Variants in REPS2 observed in about 807,000 individuals in gnomAD.
REPS2 encodes RALBP1 associated Eps domain containing 2, also known as ralBP1-associated Eps domain-containing protein 2.
A neutral mutation model predicts 53.6 loss-of-function variants in REPS2; 23 were observed. The ratio of observed to expected loss-of-function variants is 0.43; its 90% confidence interval spans 0.31 to 0.61. REPS2 has a LOEUF of 0.61. Ranked by LOEUF, REPS2 falls within the 20% of genes least tolerant of loss-of-function variation. REPS2 has a pLI of 0.11. For synonymous variants in REPS2, 238 were observed against 218.6 expected (o/e 1.09, Z -0.78); for missense variants, 446 against 534.9 (o/e 0.83, Z 1.64).
intron 5 of REPS2, among the ~76,000 whole-genome samples, chrX:17,033,190 G>A (rs966279547): frequency 9.0e-6 from 1 of 111,471 alleles, no homozygotes; most frequent in African/African-American, 3.3e-5. Context: ...TGTCTCCTTG[G>A]CAGCTGTGGA....
At chrX:17,114,136 T>C (rs187445781) in intron 14 of REPS2, among the ~76,000 whole-genome samples, 488 of 111,758 alleles carry the variant, frequency 4.4e-3, no homozygotes, top group Admixed American at 6.1e-3. Flanking sequence ...GAGGATGACC[T>C]TGAAGGTCCA....
chrX:17,145,716 C>G (rs941435998), intron 17 of REPS2, among the ~76,000 whole-genome samples: 19 of 111,680 alleles, frequency 1.7e-4, no homozygotes, highest in African/African-American at 6.2e-4. Flanking sequence ...AGTTGCTCCC[C>G]TGCTTCCACT....
At chrX:17,001,418 T>C (rs376376356) in intron 1 of REPS2, among the ~76,000 whole-genome samples, 55 of 112,442 alleles carry the variant, frequency 4.9e-4, no homozygotes, top group African/African-American at 1.5e-3. Context: ...CCAGAAACTT[T>C]TGACTTTAAT....
At chrX:17,126,614 G>A (rs1206184549) in intron 14 of REPS2, among the ~76,000 whole-genome samples, 4 of 111,833 alleles carry the variant, frequency 3.6e-5, no homozygotes, top group Non-Finnish European at 7.5e-5. Flanking sequence ...TCTCCAAGAG[G>A]GAGATAGACC....
intron 16 of REPS2, chrX:17,135,804 AC>A: frequency 7.3e-6 from 1 of 137,708 alleles, no homozygotes; most frequent in Non-Finnish European, 1.4e-5. Context: ...TAGCTCCTTC[AC>A]CCACAGACAC....
At chrX:17,048,988 C>T (rs1182736512) in intron 6 of REPS2, among the ~76,000 whole-genome samples, 2 of 111,675 alleles carry the variant, frequency 1.8e-5, no homozygotes, top group Non-Finnish European at 3.8e-5. Context: ...CTCCGCCTCC[C>T]GGGTTCAAAT....
chrX:16,968,452 C>T lies in REPS2; in HGVS notation c.273+21318C>T, dbSNP rs866081310. 5.6e-3 allele frequency among the ~76,000 whole-genome samples: 577 copies of T among 103,498 alleles called. 1 individual carries two copies. The highest frequency in any genetic ancestry group is 0.019 in the Middle Eastern group (3 of 161). 89.9% of individuals were successfully genotyped at this position (103,498 alleles called of 115,157 possible). A position where few individuals can be genotyped will look rare whatever the true frequency, so the allele number is the denominator to read the frequency against. Reference sequence around the variant, plus strand: ...GGCGCCCCTCACCTCCCGGACGGGGCGGCTGGCCGGGCGGGGGGCTGACAC... The same window carrying T: ...GGCGCCCCTCACCTCCCGGACGGGGTGGCTGGCCGGGCGGGGGGCTGACAC... On this transcript the variant is annotated intron_variant, in intron 1 of 17. Coordinates refer to ENST00000357277, the MANE Select transcript of REPS2 (RefSeq NM_004726.3).
chrX:17,069,027 G>C (rs2062265700), intron 10 of REPS2, among the ~76,000 whole-genome samples: 1 of 111,421 alleles, frequency 9.0e-6, no homozygotes, highest in Non-Finnish European at 1.9e-5. Context: ...GAGTTGGCTT[G>C]GGAATATCTA....
intron 1 of REPS2, among the ~76,000 whole-genome samples, chrX:16,993,278 C>T (rs2061185575): frequency 8.9e-6 from 1 of 112,189 alleles, no homozygotes; most frequent in Admixed American, 9.4e-5. Context: ...ACAGCCTCCC[C>T]ATTGTGCTCT....
At chrX:17,047,214 G>A in intron 5 of REPS2, 133 bp from the exon 6 acceptor site, 2 of 573,001 alleles carry the variant, frequency 3.5e-6, no homozygotes, top group Non-Finnish European at 2.8e-6. Flanking sequence ...TTCTAGTTAT[G>A]AGGCAGTTAA....
At chrX:17,073,403 A>T (rs2062335509) in intron 11 of REPS2, among the ~76,000 whole-genome samples, 1 of 112,358 alleles carries the variant, frequency 8.9e-6, no homozygotes, top group African/African-American at 3.2e-5. Context: ...GTGTTTTTGT[A>T]AATGTTTCTA....
At chrX:17,109,060 T>C (rs1269434138) in intron 14 of REPS2, among the ~76,000 whole-genome samples, 1 of 110,129 alleles carries the variant, frequency 9.1e-6, no homozygotes, top group African/African-American at 3.3e-5. Context: ...GAAAGCCAGA[T>C]TGTAGGGAAA....
chrX:17,135,491 C>T (rs1209876947), intron 16 of REPS2, 85 bp downstream of exon 16: 12 of 1,001,164 alleles, frequency 1.2e-5, no homozygotes, highest in Middle Eastern at 5.4e-4. Flanking sequence ...CATTTACGTG[C>T]GCACCAACAG....
the REPS2 span, among the ~76,000 whole-genome samples, chrX:17,164,250 T>G: frequency 5.8e-3 from 627 of 107,515 alleles, 2 homozygotes; most frequent in African/African-American, 0.02. Context: ...AATAATTACA[T>G]TAAGTATAAA....
chrX:17,157,806 G>T (rs1259184187), downstream of REPS2, among the ~76,000 whole-genome samples: 1 of 112,129 alleles, frequency 8.9e-6, no homozygotes, highest in Admixed American at 9.4e-5. Flanking sequence ...ATATCAACAG[G>T]TTCTGCTAAA....
intron 13 of REPS2, among the ~76,000 whole-genome samples, 154 bp from the exon 14 acceptor site, chrX:17,103,564 C>T (rs756984006): frequency 2.7e-5 from 3 of 111,658 alleles, no homozygotes; most frequent in South Asian, 3.8e-4. Context: ...TTAGAAATAA[C>T]GTGTACTCTT....
chrX:17,112,383 T>C (rs2062983368), intron 14 of REPS2, among the ~76,000 whole-genome samples: 2 of 112,091 alleles, frequency 1.8e-5, no homozygotes, highest in Admixed American at 9.4e-5. Context: ...TTCAACTTGA[T>C]ATAACATAAC....
At chrX:17,059,261 C>T (rs2062120078) in intron 8 of REPS2, among the ~76,000 whole-genome samples, 1 of 105,828 alleles carries the variant, frequency 9.4e-6, no homozygotes, top group African/African-American at 3.4e-5. Flanking sequence ...CCACCCGCCT[C>T]GGCCTCCGAA....
At chrX:16,999,073 A>T (rs994877222) in intron 1 of REPS2, among the ~76,000 whole-genome samples, 1 of 112,378 alleles carries the variant, frequency 8.9e-6, no homozygotes, top group Non-Finnish European at 1.9e-5. Context: ...ACAGTCACAG[A>T]TATGGCAAAT....
Sources: allele counts gnomAD v4.1 joint callset (sites outside exome capture counted in the v4.1 genomes callset), GRCh38; gene constraint gnomAD v4.1.1; transcripts MANE v1.5; gene names NCBI Gene and HGNC (gene_info 2026-07-23, HGNC 2026-07-21).